The following MIA3 variants were observed in gnomAD, a reference collection of about 807,000 sequenced individuals.
The protein encoded by MIA3 is transport and Golgi organization protein 1 homolog.
MIA3 carries 90 observed loss-of-function variants against 192.4 expected under a neutral mutation model. The ratio of observed to expected loss-of-function variants is 0.47; its 90% confidence interval spans 0.39 to 0.56. The LOEUF (loss-of-function observed/expected upper bound fraction) is 0.56. MIA3 is among the 20% of genes least tolerant of loss of function. The pLI is 0.00. For missense variants in MIA3, 2,123 were observed against 2,269.4 expected, an observed-to-expected ratio of 0.94 and a Z score of 1.31; for synonymous variants, 740 against 792.8, an observed-to-expected ratio of 0.93 and a Z score of 1.12.
chr1:222,658,911 A>T, intron 19 of MIA3, 88 bp downstream of exon 19: 1 of 825,970 alleles, frequency 1.2e-6, no homozygotes, highest in East Asian at 2.5e-5. Flanking sequence ...ATAAGTGGTT[A>T]GAGGACATGA....
chr1:222,660,339 A>G lies in MIA3; in HGVS notation c.5113+25A>G, dbSNP rs1313652619. 5 of 1,596,906 alleles carry G rather than the reference A, an allele frequency of 3.1e-6. No individual in the cohort carries two copies. In the African/African-American group the frequency reaches 4.0e-5, roughly 13 times the overall value. ...GGTGAGCATTCACATGTTTCCTTGC[A>G]ATACTCTTTTGGGTGGCTTTTTCCC... On this transcript the variant is annotated intron_variant, in intron 24 of 27. Transcript: ENST00000344922.
At chr1:222,662,460 A>G in intron 26 of MIA3, 128 bp downstream of exon 26, 4 of 1,524,744 alleles carry the variant, frequency 2.6e-6, no homozygotes, top group Non-Finnish European at 3.5e-6. Context: ...TAAAAAAGCA[A>G]ACTGTTCTCC....
At chr1:222,644,674 G>C in intron 6 of MIA3, 1 of 1,399,840 alleles carries the variant, frequency 7.1e-7, no homozygotes, top group Non-Finnish European at 9.9e-7. Flanking sequence ...GATTGTCTGT[G>C]CAAAGGAGAA....
chr1:222,661,393 TCTTC>T (rs1664003764), intron 24 of MIA3: 1 of 152,574 alleles, frequency 6.6e-6, no homozygotes, highest in African/African-American at 2.4e-5. Context: ...ATACATTTCC[TCTTC>T]CTTATGATTT....
chr1:222,618,102 G>A lies in MIA3; in HGVS notation c.-9G>A. 6.8e-7 allele frequency: 1 copy of A among 1,460,696 alleles called. No homozygotes were observed. Among genetic ancestry groups the A allele is most frequent in the Non-Finnish European group, 9.0e-7 (1 of 1,107,192 alleles). The allele number at this position is 1,460,696 out of a possible 1,614,324, so 90.5% of individuals were successfully genotyped here. A position where few individuals can be genotyped will look rare whatever the true frequency, so the allele number is the denominator to read the frequency against. On this transcript the variant is annotated 5_prime_UTR_variant, in exon 1 of 28. Transcript: ENST00000344922. ...CTCCGCGTCACCGGCTCCCCGAGGT[G>A]ACCACAACATGGCTGCGGCGCCTGG...
Position 222,652,329 on chromosome 1 carries a change from G to A in MIA3, c.4083G>A (p.Glu1361=). The change falls in exon 13 of 28, where the codon GAG becomes GAA. Residue 1361 remains glutamate, a synonymous_variant. Transcript: ENST00000344922. The stretch of plus-strand genomic sequence containing the variant: ...ATGCTAGGCTTAAGAAGAAAAAAGA[G>A]CAGGTAAAGGAAAGTGCGTGTCCCA... The part of the protein sequence containing the change: ...EENARLKKKK[E]QLQQEIEDWS... 3.7e-6 allele frequency: 6 copies of A among 1,608,050 alleles called. No individual in the cohort carries two copies. Among genetic ancestry groups the A allele is most frequent in the Non-Finnish European group, 5.1e-6 (6 of 1,174,612 alleles).
At chr1:222,644,283 C>G (rs562217834) in intron 6 of MIA3, 1 of 1,396,666 alleles carries the variant, frequency 7.2e-7, no homozygotes, top group Non-Finnish European at 9.3e-7. Context: ...CCTTGAGGTG[C>G]GCCAGGGGCA....
In MIA3 at chr1:222,665,181, G is replaced by A. The variant is rs1664214649; in HGVS notation, c.5414-128G>A. On this transcript the variant is annotated intron_variant, in intron 27 of 27. Coordinates refer to ENST00000344922, the MANE Select transcript of MIA3 (RefSeq NM_198551.4). ...TCATTACACTCCAGCCCATGTGACAGGCAAGACCCTGCCGCCAAAAAAAAA... is the reference window on the plus strand; with the variant it reads ...TCATTACACTCCAGCCCATGTGACAAGCAAGACCCTGCCGCCAAAAAAAAA... 9.8e-6 allele frequency: 7 copies of A among 712,882 alleles called. No individual in the cohort carries two copies. In the South Asian group the frequency reaches 1.3e-4, roughly 13 times the overall value. The allele number at this position is 712,882 out of a possible 1,614,324, so 44.2% of individuals were successfully genotyped here.
At position 222,629,610 on chromosome 1, in the gene MIA3, A is replaced by G. The variant is rs755957865; in HGVS notation, c.2390A>G (p.Lys797Arg). The G allele has an allele frequency of 6.4e-5, 104 of 1,613,960 alleles. 3 individuals carry two copies. In the South Asian group the frequency reaches 1.1e-3, roughly 17 times the overall value. ...GAAAAAACAAGTGAGACTGCTGCCA[A>G]AGGGGTCAACACAGGAGGCAGGGAA... ...DSEKTSETAA[K>R]GVNTGGREPN... The change falls in exon 4 of 28, where the codon AAA (lysine) becomes AGA (arginine). Residue 797 changes from lysine to arginine, a missense_variant. By Grantham distance (26) the Lys-to-Arg change is conservative (BLOSUM62 2). Coordinates refer to ENST00000344922, the MANE Select transcript of MIA3 (RefSeq NM_198551.4).
chr1:222,662,196 T>G (rs1664051493), intron 25 of MIA3, 57 bp from the exon 26 acceptor site: 1 of 1,593,900 alleles, frequency 6.3e-7, no homozygotes, highest in South Asian at 1.1e-5. Flanking sequence ...TTTTTAATCC[T>G]CCTCACAGAG....
At chr1:222,664,464 CCTAA>C (rs1372023031) in intron 27 of MIA3, among the ~76,000 whole-genome samples, 9 of 152,278 alleles carry the variant, frequency 5.9e-5, no homozygotes, top group African/African-American at 1.9e-4. Context: ...AAATACATCC[CCTAA>C]CTAAGATGTC....
In MIA3 at chr1:222,618,241, G is replaced by A; in HGVS notation, c.131G>A (p.Ser44Asn). The A allele has an allele frequency of 6.8e-7, 1 of 1,470,172 alleles. No homozygotes were observed. Among genetic ancestry groups the A allele is most frequent in the South Asian group, 1.3e-5 (1 of 77,920 alleles). The allele number at this position is 1,470,172 out of a possible 1,614,324, so 91.1% of individuals were successfully genotyped here. ...AAACTCTGCGCGGACGACGAATGCA[G>A]CAGTGAGTGCGCTGGAGGGGCGGCT... is the stretch of plus-strand genomic sequence containing the variant. Reference protein sequence around the residue: ...EHKLCADDECSMLMYRGEALE... With the variant: ...EHKLCADDECNMLMYRGEALE... Residue 44 changes from serine (S) to asparagine (N), a missense_variant and splice_region_variant, in exon 1 of 28, where the codon AGC (serine) becomes AAC (asparagine). Around this residue, in one of 3 missense-constraint regions of MIA3, gnomAD observed 1,357 missense variants for 1,396.1 expected, o/e 0.97. Transcript: ENST00000344922.
At chr1:222,652,410 C>G in intron 13 of MIA3, 78 bp downstream of exon 13, 1 of 945,028 alleles carries the variant, frequency 1.1e-6, no homozygotes, top group Middle Eastern at 2.2e-4. Context: ...TTACTCAGAT[C>G]TATTTTTAGG....
chr1:222,632,143 C>T, intron 4 of MIA3, 22 bp from the exon 5 acceptor site: 2 of 1,611,244 alleles, frequency 1.2e-6, no homozygotes, highest in Non-Finnish European at 1.7e-6. Context: ...TGTGCTAGCC[C>T]AGTGTATTCT....
At chr1:222,653,866 C>G (rs980258337) in intron 15 of MIA3, among the ~76,000 whole-genome samples, 12 of 152,142 alleles carry the variant, frequency 7.9e-5, no homozygotes, top group African/African-American at 2.4e-4. Context: ...GAAAATGTTT[C>G]TAGATGCCCT....
At position 222,621,306 on chromosome 1, in the gene MIA3, C is replaced by T. The variant is rs776161658; in HGVS notation, c.267+14C>T. ...TGGGCTGGAAGTGTAAGTAAAATAT[C>T]GACATACTTTATTTGCTTAATTTTT... On this transcript the variant is annotated intron_variant, in intron 2 of 27. Transcript: ENST00000344922. The T allele has an allele frequency of 5.0e-6, 8 of 1,598,292 alleles. No homozygotes were observed. Among genetic ancestry groups the T allele is most frequent in the Middle Eastern group, 1.7e-4 (1 of 5,988 alleles).
At position 222,630,106 on chromosome 1, in the gene MIA3, G is replaced by A. The variant is rs753471200; in HGVS notation, c.2886G>A (p.Ala962=). 8.1e-6 allele frequency: 13 copies of A among 1,614,112 alleles called. No individual in the cohort carries two copies. Among genetic ancestry groups the A allele is most frequent in the Admixed American group, 3.3e-5 (2 of 60,014 alleles). The change falls in exon 4 of 28, where the codon GCG becomes GCA. Residue 962 remains alanine, a synonymous_variant. Transcript: ENST00000344922. ...LQEMSSKLKS[A]QQESLPYNME... Reference sequence around the variant, plus strand: ...AAATGTCATCAAAACTGAAGTCAGCGCAGCAGGAGAGCCTGCCCTATAATA... The same window carrying A: ...AAATGTCATCAAAACTGAAGTCAGCACAGCAGGAGAGCCTGCCCTATAATA...
chr1:222,619,026 G>A (rs1661739934), intron 1 of MIA3, among the ~76,000 whole-genome samples: 1 of 152,056 alleles, frequency 6.6e-6, no homozygotes, highest in African/African-American at 2.4e-5. Flanking sequence ...CCGAGGATCT[G>A]CACCGGCCAC....
chr1:222,629,681 G>T lies in MIA3; in HGVS notation c.2461G>T (p.Ala821Ser). Reference protein sequence around the residue: ...EKERPLADKKAQRPFERSDFS... With the variant: ...EKERPLADKKSQRPFERSDFS... ...AGAACGCCCTCTGGCAGATAAGAAAGCACAGAGACCATTTGAACGAAGTGA... is the reference window on the plus strand; with the variant it reads ...AGAACGCCCTCTGGCAGATAAGAAATCACAGAGACCATTTGAACGAAGTGA... Residue 821 changes from alanine to serine, a missense_variant, in exon 4 of 28, where the codon GCA (alanine) becomes TCA (serine). By Grantham distance (99) the Ala-to-Ser change is moderately conservative. Around this residue, in one of 3 missense-constraint regions of MIA3, gnomAD observed 1,357 missense variants for 1,396.1 expected, o/e 0.97. Transcript: ENST00000344922. 1 of 1,614,148 alleles carries T rather than the reference G, an allele frequency of 6.2e-7. No individual in the cohort carries two copies. The highest frequency in any genetic ancestry group is 8.5e-7 in the Non-Finnish European group (1 of 1,180,016).
Sources: gnomAD v4.1 joint callset for allele counts (sites outside exome capture counted in the v4.1 genomes callset) on GRCh38, gnomAD v4.1.1 for gene constraint, gnomAD v4.1.1 regional missense constraint, MANE v1.5 for transcripts, NCBI Gene and HGNC (gene_info 2026-07-23, HGNC 2026-07-21) for gene names.